C16orf74: variants seen among roughly 807,000 people sequenced by gnomAD.
C16orf74 encodes calcimembrin.
In C16orf74, 10 loss-of-function variants were observed where a neutral mutation model predicts 6.5. The ratio of observed to expected loss-of-function variants is 1.54; its 90% CI spans 0.95 to 2.61. The LOEUF (loss-of-function observed/expected upper bound fraction) is 2.61, where lower values mean the gene tolerates loss of function less well. Among genes scored for constraint, C16orf74 ranks in the 30% most tolerant of loss-of-function variants. C16orf74 has a pLI of 0.00. For synonymous variants in C16orf74, 60 were observed against 42.5 expected, an observed-to-expected ratio of 1.41 and a Z score of -1.60; for missense variants, 141 against 105.9, an observed-to-expected ratio of 1.33 and a Z score of -1.45.
At chr16:85,743,824 C>T (rs2443332) in intron 1 of C16orf74, 41,705 of 151,814 alleles carry the variant, frequency 0.27, 6,117 homozygotes, top group Middle Eastern at 0.38. Context: ...GAGGCCGAGG[C>T]GGGCGGATCA....
chr16:85,723,152 T>G (rs967471870), intron 2 of C16orf74, among the ~76,000 whole-genome samples: 1 of 149,282 alleles, frequency 6.7e-6, no homozygotes, highest in African/African-American at 2.5e-5. Context: ...CCCAGCTACT[T>G]GGGAGGCTGA....
At chr16:85,721,545 T>C (rs9308352) in intron 2 of C16orf74, among the ~76,000 whole-genome samples, 11 of 152,190 alleles carry the variant, frequency 7.2e-5, no homozygotes, top group African/African-American at 2.7e-4. Context: ...GCTTGGGACA[T>C]GCTTCTACTT....
chr16:85,744,829 C>CAAAA (rs11436332), intron 1 of C16orf74, among the ~76,000 whole-genome samples: 28 of 59,272 alleles, frequency 4.7e-4, no homozygotes, highest in African/African-American at 1.2e-3. Context: ...GACTCCATCT[C>CAAAA]AAAAAAAAAA....
chr16:85,712,698 C>G (rs1209871981), intron 2 of C16orf74, among the ~76,000 whole-genome samples: 1 of 152,224 alleles, frequency 6.6e-6, no homozygotes, highest in South Asian at 2.1e-4. Context: ...AATCAGGCCA[C>G]CAGCTGTGTG....
In C16orf74 at chr16:85,707,813, C is replaced by T. The variant is rs1351675839; in HGVS notation, c.*195G>A. On this transcript the variant is annotated 3_prime_UTR_variant, in exon 4 of 4. Transcript: ENST00000284245. Reference sequence around the variant, plus strand: ...CAGAGGTCCGGTCCACTCAGCGGGGCCTGGGAAACACTGTTCTGGAAGTGG... The same window carrying T: ...CAGAGGTCCGGTCCACTCAGCGGGGTCTGGGAAACACTGTTCTGGAAGTGG... The T allele has an allele frequency of 3.4e-6, 2 of 590,346 alleles. No individual in the cohort carries two copies. Among genetic ancestry groups the T allele is most frequent in the Non-Finnish European group, 6.0e-6 (2 of 331,902 alleles). The allele number at this position is 590,346 out of a possible 1,614,324, so 36.6% of individuals were successfully genotyped here. A position where few individuals can be genotyped will look rare whatever the true frequency, so the allele number is the denominator to read the frequency against.
chr16:85,734,186 A>G (rs541774453), intron 2 of C16orf74, among the ~76,000 whole-genome samples: 1 of 152,328 alleles, frequency 6.6e-6, no homozygotes, highest in Non-Finnish European at 1.5e-5. Flanking sequence ...AGCCTGGTGA[A>G]TTTGACGAAG....
At chr16:85,739,411 T>A (rs986240004) in intron 1 of C16orf74, among the ~76,000 whole-genome samples, 1 of 152,166 alleles carries the variant, frequency 6.6e-6, no homozygotes, top group African/African-American at 2.4e-5. Context: ...AAACCAGTGA[T>A]CTGTACAGAA....
rs572953268 is a variant in C16orf74 at position 85,748,140 on chromosome 16, G to A, written c.-19+2786C>T. 1.8e-4 allele frequency among the ~76,000 whole-genome samples: 16 copies of A among 91,382 alleles called. No individual in the cohort carries two copies. In the East Asian group the frequency reaches 3.3e-3, roughly 19 times the overall value. 60.0% of individuals were successfully genotyped at this position (91,382 alleles called of 152,430 possible). A position where few individuals can be genotyped will look rare whatever the true frequency, so the allele number is the denominator to read the frequency against. On this transcript the variant is annotated intron_variant, in intron 1 of 3. Coordinates refer to ENST00000284245, the MANE Select transcript of C16orf74 (RefSeq NM_206967.3). ...TATATGTGTGTGTGTATATATATAT[G>A]TGTGTGTATATATATATATGTGTAT...
intron 2 of C16orf74, among the ~76,000 whole-genome samples, chr16:85,717,806 G>C (rs1387863157): frequency 6.6e-6 from 1 of 152,238 alleles, no homozygotes; most frequent in Non-Finnish European, 1.5e-5. Context: ...CTGGGGAGCA[G>C]GGCTGGGGCT....
At chr16:85,714,869 C>T (rs1486163593) in intron 2 of C16orf74, among the ~76,000 whole-genome samples, 2 of 151,566 alleles carry the variant, frequency 1.3e-5, no homozygotes, top group African/African-American at 2.4e-5. Flanking sequence ...AAGAAGAGAA[C>T]ATTTCAGCCG....
At chr16:85,728,640 C>T (rs566829316) in intron 2 of C16orf74, among the ~76,000 whole-genome samples, 44 of 152,316 alleles carry the variant, frequency 2.9e-4, no homozygotes, top group African/African-American at 1.0e-3. Flanking sequence ...CTGCAGAGGC[C>T]CCCGCACACC....
intron 2 of C16orf74, among the ~76,000 whole-genome samples, chr16:85,727,629 G>A (rs1398006493): frequency 6.7e-6 from 1 of 149,722 alleles, no homozygotes; most frequent in African/African-American, 2.5e-5. Context: ...GCGCAACATG[G>A]TAAAACTTCC....
chr16:85,748,409 C>T (rs1169476152), intron 1 of C16orf74, among the ~76,000 whole-genome samples: 2 of 151,892 alleles, frequency 1.3e-5, no homozygotes, highest in East Asian at 3.9e-4. Context: ...GCCAGCCTGA[C>T]CAACAGGGCG....
chr16:85,726,979 C>T (rs541992782), intron 2 of C16orf74, among the ~76,000 whole-genome samples: 1 of 152,336 alleles, frequency 6.6e-6, no homozygotes, highest in Admixed American at 6.5e-5. Flanking sequence ...CCCCTAGCCA[C>T]CCCGGGTAGG....
At chr16:85,733,716 T>C (rs1035361662) in intron 2 of C16orf74, among the ~76,000 whole-genome samples, 6 of 152,148 alleles carry the variant, frequency 3.9e-5, no homozygotes, top group Admixed American at 1.3e-4. Context: ...CACTCACAGA[T>C]ACTCATTCAA....
chr16:85,717,612 C>T (rs2054038034), intron 2 of C16orf74, among the ~76,000 whole-genome samples: 1 of 152,202 alleles, frequency 6.6e-6, no homozygotes, highest in African/African-American at 2.4e-5. Context: ...GCCGTGCCGC[C>T]TCTCCGCTGA....
chr16:85,738,048 G>C (rs981405509), intron 1 of C16orf74, among the ~76,000 whole-genome samples: 1 of 149,882 alleles, frequency 6.7e-6, no homozygotes, highest in Admixed American at 6.7e-5. Flanking sequence ...GTGTGGCCCA[G>C]GGAAGCCAAA....
chr16:85,709,063 C>A (rs60433620), intron 3 of C16orf74, among the ~76,000 whole-genome samples: 1 of 152,358 alleles, frequency 6.6e-6, no homozygotes, highest in East Asian at 1.9e-4. Context: ...TTAGTTTACC[C>A]CTGTCTAAAA....
intron 2 of C16orf74, among the ~76,000 whole-genome samples, chr16:85,715,682 C>T (rs1468105735): frequency 6.6e-6 from 1 of 152,216 alleles, no homozygotes; most frequent in African/African-American, 2.4e-5. Context: ...TTTCTAAAAG[C>T]AGGCATCAGG....
Sources: gnomAD v4.1 joint callset for allele counts (sites outside exome capture counted in the v4.1 genomes callset) on GRCh38, gnomAD v4.1.1 for gene constraint, MANE v1.5 for transcripts, NCBI Gene and HGNC (gene_info 2026-07-23, HGNC 2026-07-21) for gene names.